Variants in SLAMF6 observed in about 807,000 individuals in gnomAD.
SLAMF6 encodes the protein NK-T-B-antigen.
SLAMF6 carries 21 observed loss-of-function variants against 38.3 expected under a neutral mutation model. The ratio of observed to expected loss-of-function variants is 0.55; its 90% CI spans 0.39 to 0.79. The LOEUF (loss-of-function observed/expected upper bound fraction) is 0.79, where lower values mean the gene tolerates loss of function less well. Among genes scored for constraint, SLAMF6 ranks in the 30% least tolerant of loss-of-function variants. The pLI, the probability that SLAMF6 is intolerant of heterozygous loss-of-function variation, is 0.00. For missense variants in SLAMF6, 341 were observed against 385.3 expected, an observed-to-expected ratio of 0.89 and a Z score of 0.96; for synonymous variants, 152 against 146.3, an observed-to-expected ratio of 1.04 and a Z score of -0.28.
intron 1 of SLAMF6, among the ~76,000 whole-genome samples, chr1:160,498,036 G>C (rs933924537): frequency 6.6e-6 from 1 of 152,004 alleles, no homozygotes; most frequent in Non-Finnish European, 1.5e-5. Context: ...TCAGTTTTAA[G>C]TTTTTTGAAA....
intron 1 of SLAMF6, among the ~76,000 whole-genome samples, chr1:160,517,566 C>A (rs1654802999): frequency 6.6e-6 from 1 of 152,154 alleles, no homozygotes; most frequent in African/African-American, 2.4e-5. Context: ...ATGTTCATTG[C>A]AGCACTATTC....
intron 1 of SLAMF6, 152 bp from the exon 2 acceptor site, chr1:160,496,545 T>C (rs1487802749): frequency 4.0e-6 from 3 of 753,908 alleles, no homozygotes; most frequent in African/African-American, 1.8e-5. Context: ...GAGATGTTTC[T>C]AAATGAATAA....
intron 1 of SLAMF6, among the ~76,000 whole-genome samples, chr1:160,500,772 C>T (rs1448893341): frequency 6.6e-6 from 1 of 152,100 alleles, no homozygotes; most frequent in Non-Finnish European, 1.5e-5. Context: ...AGTGAATGGA[C>T]ATATCTCCAT....
intron 1 of SLAMF6, among the ~76,000 whole-genome samples, chr1:160,507,086 A>G (rs1654226054): frequency 6.6e-6 from 1 of 152,166 alleles, no homozygotes; most frequent in Non-Finnish European, 1.5e-5. Flanking sequence ...TTCAATTAAA[A>G]TGCAGAGATA....
intron 6 of SLAMF6, among the ~76,000 whole-genome samples, chr1:160,487,909 G>T (rs1371735712): frequency 6.6e-6 from 1 of 152,068 alleles, no homozygotes; most frequent in African/African-American, 2.4e-5. Flanking sequence ...GGGCAACATG[G>T]TGAAACCCCG....
At chr1:160,500,379 C>A (rs1330771633) in intron 1 of SLAMF6, among the ~76,000 whole-genome samples, 1 of 152,162 alleles carries the variant, frequency 6.6e-6, no homozygotes, top group Non-Finnish European at 1.5e-5. Context: ...TTGGCTATTC[C>A]TTGAGCAGGC....
At chr1:160,502,262 A>G (rs1653944385) in intron 1 of SLAMF6, among the ~76,000 whole-genome samples, 1 of 152,130 alleles carries the variant, frequency 6.6e-6, no homozygotes, top group African/African-American at 2.4e-5. Context: ...AAGAATGGGA[A>G]AGATGCCTCA....
chr1:160,516,947 T>C (rs12026076), intron 1 of SLAMF6, among the ~76,000 whole-genome samples: 7,127 of 152,228 alleles, frequency 0.047, 356 homozygotes, highest in African/African-American at 0.12. Context: ...GACATAGGCA[T>C]GGGCAAAGAT....
chr1:160,494,699 T>C (rs988572079), intron 2 of SLAMF6, among the ~76,000 whole-genome samples: 2 of 151,984 alleles, frequency 1.3e-5, no homozygotes, highest in South Asian at 2.1e-4. Flanking sequence ...GAGGTAGAGA[T>C]TGGTGTGATG....
At chr1:160,489,553 A>T (rs961804280) in intron 5 of SLAMF6, among the ~76,000 whole-genome samples, 1 of 152,178 alleles carries the variant, frequency 6.6e-6, no homozygotes, top group African/African-American at 2.4e-5. Flanking sequence ...AGCTTTTCAG[A>T]GGTCTCTACA....
chr1:160,487,292 G>C, intron 6 of SLAMF6, 117 bp from the exon 7 acceptor site: 1 of 889,294 alleles, frequency 1.1e-6, no homozygotes, highest in Non-Finnish European at 1.7e-6. Flanking sequence ...TCTTCCAGAG[G>C]AAGGCTGGGG....
intron 1 of SLAMF6, among the ~76,000 whole-genome samples, chr1:160,502,897 G>T (rs959515389): frequency 4.0e-5 from 6 of 149,598 alleles, no homozygotes; most frequent in Non-Finnish European, 7.4e-5. Flanking sequence ...ATATTGAGAA[G>T]GTAGGACAAA....
At chr1:160,497,363 C>T (rs1188586145) in intron 1 of SLAMF6, among the ~76,000 whole-genome samples, 1 of 152,154 alleles carries the variant, frequency 6.6e-6, no homozygotes, top group Non-Finnish European at 1.5e-5. Flanking sequence ...GTTTGTCTAA[C>T]TGACCACGCC....
chr1:160,522,823 T>A (rs534740140), intron 1 of SLAMF6, among the ~76,000 whole-genome samples: 1 of 152,264 alleles, frequency 6.6e-6, no homozygotes, highest in African/African-American at 2.4e-5. Flanking sequence ...ATTTTCTTGG[T>A]CTTGGTACTC....
intron 4 of SLAMF6, 56 bp downstream of exon 4, chr1:160,490,519 A>G (rs2102016855): frequency 6.3e-7 from 1 of 1,589,070 alleles, no homozygotes; most frequent in African/African-American, 1.4e-5. Flanking sequence ...AGAGGCCCCA[A>G]ACTCTCAATC....
At chr1:160,490,260 G>A in intron 4 of SLAMF6, 24 bp from the exon 5 acceptor site, 1 of 1,613,090 alleles carries the variant, frequency 6.2e-7, no homozygotes, top group South Asian at 1.1e-5. Flanking sequence ...CCAGAAAATT[G>A]AAATGTGTGA....
intron 1 of SLAMF6, among the ~76,000 whole-genome samples, chr1:160,498,704 A>G (rs991272464): frequency 6.6e-6 from 1 of 151,866 alleles, no homozygotes; most frequent in Non-Finnish European, 1.5e-5. Flanking sequence ...CATATCAAAA[A>G]CCAAACCAGC....
chr1:160,488,988 C>A, intron 6 of SLAMF6, 100 bp downstream of exon 6: 1 of 1,098,842 alleles, frequency 9.1e-7, no homozygotes, highest in East Asian at 2.4e-5. Flanking sequence ...CTTCTCCTCC[C>A]CTCAGTGGTC....
At chr1:160,520,593 T>G (rs1014058578) in intron 1 of SLAMF6, among the ~76,000 whole-genome samples, 20 of 152,224 alleles carry the variant, frequency 1.3e-4, no homozygotes, top group African/African-American at 4.3e-4. Context: ...CGAGATTTAT[T>G]TTCTCTAGGA....
Sources: allele counts gnomAD v4.1 joint callset (sites outside exome capture counted in the v4.1 genomes callset), GRCh38; gene constraint gnomAD v4.1.1; transcripts MANE v1.5; gene names NCBI Gene and HGNC (gene_info 2026-07-23, HGNC 2026-07-21).